Variants in CYP2W1 observed in about 807,000 individuals in gnomAD.
The protein encoded by CYP2W1 is cytochrome P450 2W1.
A neutral mutation model predicts 44.9 loss-of-function variants in CYP2W1; 51 were observed. The observed-to-expected ratio is 1.14, with a 90% CI of 0.91 to 1.43. The LOEUF (loss-of-function observed/expected upper bound fraction) is 1.43. CYP2W1 is among the 40% of genes most tolerant of loss of function. The pLI is 0.00. For missense variants in CYP2W1, 746 were observed against 700.0 expected (o/e 1.07, Z -0.74); for synonymous variants, 383 against 338.3 (o/e 1.13, Z -1.45).
rs1213959629 is a variant in CYP2W1, at chr7:985,174, T to C, written c.496T>C (p.Phe166Leu). 2 of 1,578,588 alleles carry C rather than the reference T, an allele frequency of 1.3e-6. No homozygotes were observed. The highest frequency in any genetic ancestry group is 2.7e-5 in the African/African-American group (2 of 74,588). Residue 166 changes from phenylalanine to leucine, a missense_variant, in exon 4 of 9, where the codon TTC (phenylalanine) becomes CTC (leucine). By Grantham distance (22) the Phe-to-Leu change is conservative (BLOSUM62 0). Transcript: ENST00000308919. ...GQLDGYRGRP[F>L]PLALLGWAPS... The stretch of plus-strand genomic sequence containing the variant: ...GCCCGTCTCCCTCGCAGGCCGGCCC[T>C]TCCCGCTGGCCCTACTGGGCTGGGC...
Position 983,361 on chromosome 7 carries a change from G to C in CYP2W1, c.150G>C (p.Ser50=). The C allele has an allele frequency of 3.9e-6, 6 of 1,532,696 alleles. No individual in the cohort carries two copies. The highest frequency in any genetic ancestry group is 4.4e-6 in the Non-Finnish European group (5 of 1,141,600). The allele number at this position is 1,532,696 out of a possible 1,614,324, so 94.9% of individuals were successfully genotyped here. A position where few individuals can be genotyped will look rare whatever the true frequency, so the allele number is the denominator to read the frequency against. The change falls in exon 1 of 9, where the codon TCG becomes TCC. Residue 50 remains serine (S), a synonymous_variant. Transcript: ENST00000308919. ...LVGNLHLLRL[S]QQDRSLMELS... ...GGAACCTGCACTTGCTGCGTCTGTC[G>C]CAACAGGACCGGTCCCTGATGGAGG...
chr7:984,359 A>AG (rs34743661), intron 1 of CYP2W1, 53 bp from the exon 2 acceptor site: 832,064 of 1,531,518 alleles, frequency 0.54, 232,077 homozygotes, highest in African/African-American at 0.87. Flanking sequence ...AGGGGACCTA[A>AG]GGGGGGTCTT....
intron 4 of CYP2W1, among the ~76,000 whole-genome samples, chr7:985,915 G>A (rs1440500278): frequency 6.6e-6 from 1 of 152,152 alleles, no homozygotes; most frequent in East Asian, 1.9e-4. Flanking sequence ...GAGTGAGTGA[G>A]CAGCGGTGGG....
At position 986,689 on chromosome 7, in the gene CYP2W1, C is replaced by G. The variant is rs373008734; in HGVS notation, c.711C>G (p.Ile237Met). 6.2e-7 allele frequency: 1 copy of G among 1,612,624 alleles called. No individual in the cohort carries two copies. Among genetic ancestry groups the G allele is most frequent in the Non-Finnish European group, 8.5e-7 (1 of 1,179,868 alleles). ...TGCACCGGCCCGTCCTGCGCAAGAT[C>G]GAGGAGGTCCGTGCCATTCTGAGGA... ...LQLHRPVLRK[I>M]EEVRAILRTL... The change falls in exon 5 of 9, where the codon ATC becomes ATG. Residue 237 changes from isoleucine (I) to methionine (M), a missense_variant. Coordinates refer to ENST00000308919, the MANE Select transcript of CYP2W1 (RefSeq NM_017781.3).
intron 7 of CYP2W1, 108 bp downstream of exon 7, chr7:987,639 C>T (rs1272039011): frequency 7.2e-6 from 8 of 1,112,742 alleles, no homozygotes; most frequent in South Asian, 5.1e-5. Context: ...GATGGCCCAG[C>T]GCTCCCCGAC....
chr7:987,505 C>T lies in CYP2W1; in HGVS notation c.1117C>T (p.Gln373Ter). ...GCCCCGCTGCACCGCGGCCGACACA[C>T]AGCTGGGCGGCTTCCTGCTCCCCAA... ...HVPRCTAADT[Q>*]LGGFLLPKGT... Residue 373 changes from glutamine to a stop codon, truncating the protein, a stop_gained, in exon 7 of 9, where the codon CAG becomes TAG. Transcript: ENST00000308919. LOFTEE classifies it high-confidence loss of function. 6.5e-7 allele frequency: 1 copy of T among 1,538,904 alleles called. No homozygotes were observed. The highest frequency in any genetic ancestry group is 8.7e-7 in the Non-Finnish European group (1 of 1,147,436).
Position 987,431 on chromosome 7 carries a change from G to A in CYP2W1, c.1043G>A (p.Ser348Asn), listed in dbSNP as rs1562955956. The change falls in exon 7 of 9, where the codon AGC becomes AAC. Residue 348 changes from serine (S) to asparagine (N), a missense_variant. Transcript: ENST00000308919. ...GACCAGCAGGCTCTGCCCTACACAA[G>A]CGCCGTGCTCCACGAGGTGCAGCGG... is the stretch of plus-strand genomic sequence containing the variant. ...LEDQQALPYT[S>N]AVLHEVQRFI... 3 of 1,592,052 alleles carry A rather than the reference G, an allele frequency of 1.9e-6. No homozygotes were observed. Among genetic ancestry groups the A allele is most frequent in the Middle Eastern group, 1.7e-4 (1 of 6,032 alleles).
rs1438762039 is a variant in CYP2W1, at chr7:986,807, G to A, written c.819+10G>A. 1 of 1,531,674 alleles carries A rather than the reference G, an allele frequency of 6.5e-7. No homozygotes were observed. The highest frequency in any genetic ancestry group is 8.8e-7 in the Non-Finnish European group (1 of 1,138,848). 94.9% of individuals were successfully genotyped at this position (1,531,674 alleles called of 1,614,324 possible). A position where few individuals can be genotyped will look rare whatever the true frequency, so the allele number is the denominator to read the frequency against. ...GATCCAGCAGGGACAGGTGTGTCGG[G>A]ACCCAAGACCTCCTTGAAGGCCTGT... is the stretch of plus-strand genomic sequence containing the variant. On this transcript the variant is annotated intron_variant, in intron 5 of 8. Transcript: ENST00000308919.
chr7:984,837 G>A (rs1848201511), intron 2 of CYP2W1, 113 bp from the exon 3 acceptor site: 16 of 1,397,896 alleles, frequency 1.1e-5, no homozygotes, highest in South Asian at 4.2e-5. Context: ...GGATGGGGGT[G>A]AGGGCCCAGC....
Position 988,873 on chromosome 7 carries a change from GTCCTCCCACCCTCTC to G in CYP2W1, c.*63_*77del, listed in dbSNP as rs1032509182. The G allele has an allele frequency of 2.7e-5, 33 of 1,205,946 alleles. No homozygotes were observed. In the African/African-American group the frequency reaches 2.9e-4, roughly 11 times the overall value. 74.7% of individuals were successfully genotyped at this position (1,205,946 alleles called of 1,614,324 possible). On this transcript the variant is annotated 3_prime_UTR_variant, in exon 9 of 9. Coordinates refer to ENST00000308919, the MANE Select transcript of CYP2W1 (RefSeq NM_017781.3). ...CTGACCACTCCCCTCCCAGCCCTGGGTCCTCCCACCCTCTCTCCTCCCACCCCACAGCTCGGACTG... is the reference window on the plus strand; with the variant it reads ...CTGACCACTCCCCTCCCAGCCCTGGGTCCTCCCACCCCACAGCTCGGACTG...
At chr7:988,612 C>T (rs768623896) in intron 8 of CYP2W1, 23 bp from the exon 9 acceptor site, 6 of 1,603,752 alleles carry the variant, frequency 3.7e-6, no homozygotes, top group Non-Finnish European at 4.2e-6. Flanking sequence ...GCAGCCCACT[C>T]TGTGCCTGGA....
rs758296066 is a variant in CYP2W1 at position 984,488 on chromosome 7, C to T, written c.251C>T (p.Ala84Val). Residue 84 changes from alanine to valine, a missense_variant, in exon 2 of 9, where the codon GCG becomes GTG. Ala to Val is a moderately conservative substitution (Grantham distance 64). Coordinates refer to ENST00000308919, the MANE Select transcript of CYP2W1 (RefSeq NM_017781.3). The stretch of plus-strand genomic sequence containing the variant: ...ACGGTGGTGCTGACGGGGTTCGAGG[C>T]GGTCAAAGAGGCGCTGGCGGGCCCC... ...QKTVVLTGFE[A>V]VKEALAGPGQ... The T allele has an allele frequency of 1.4e-5, 22 of 1,552,284 alleles. No homozygotes were observed. Among genetic ancestry groups the T allele is most frequent in the Non-Finnish European group, 1.7e-5 (20 of 1,148,690 alleles).
intron 7 of CYP2W1, 125 bp from the exon 8 acceptor site, chr7:988,152 A>G (rs759025470): frequency 3.1e-4 from 365 of 1,183,866 alleles, no homozygotes; most frequent in Non-Finnish European, 3.8e-4. Flanking sequence ...CCTCACCTGC[A>G]AGGTGGGCTA....
chr7:987,235 G>C lies in CYP2W1; in HGVS notation c.948G>C (p.Pro316=), dbSNP rs376141354. The change falls in exon 6 of 9, where the codon CCG becomes CCC. Residue 316 remains proline, a synonymous_variant. Transcript: ENST00000308919. ...CCGCACTTCTGATGGGCCGGCACCCGGACGTGCAGGGTGAGACCCCGGCGC... is the reference window on the plus strand; with the variant it reads ...CCGCACTTCTGATGGGCCGGCACCCCGACGTGCAGGGTGAGACCCCGGCGC... ...QWAALLMGRH[P]DVQGRVQEEL... 1.1e-5 allele frequency: 17 copies of C among 1,531,300 alleles called. No homozygotes were observed. The highest frequency in any genetic ancestry group is 1.3e-5 in the Non-Finnish European group (15 of 1,138,290). The allele number at this position is 1,531,300 out of a possible 1,614,324, so 94.9% of individuals were successfully genotyped here.
In CYP2W1 at chr7:984,546, C is replaced by T. The variant is rs1848178338; in HGVS notation, c.309C>T (p.Ala103=). Residue 103 remains alanine, a synonymous_variant, in exon 2 of 9, where the codon GCC becomes GCT. Coordinates refer to ENST00000308919, the MANE Select transcript of CYP2W1 (RefSeq NM_017781.3). The part of the protein sequence containing the change: ...GQELADRPPI[A]IFQLIQRGGG... ...AGCTGGCCGACCGGCCTCCCATCGC[C>T]ATCTTCCAGCTCATCCAGCGAGGTG... 6.4e-7 allele frequency: 1 copy of T among 1,559,732 alleles called. No homozygotes were observed. The highest frequency in any genetic ancestry group is 1.7e-4 in the Middle Eastern group (1 of 5,774).
Position 987,218 on chromosome 7 carries a change from C to G in CYP2W1, c.931C>G (p.Leu311Val). The G allele has an allele frequency of 6.5e-7, 1 of 1,541,632 alleles. No individual in the cohort carries two copies. Among genetic ancestry groups the G allele is most frequent in the South Asian group, 1.2e-5 (1 of 83,816 alleles). ...TSATLQWAAL[L>V]MGRHPDVQGR... is the part of the protein sequence containing the mutation. Reference sequence around the variant, plus strand: ...GGCCACGCTGCAGTGGGCCGCACTTCTGATGGGCCGGCACCCGGACGTGCA... The same window carrying G: ...GGCCACGCTGCAGTGGGCCGCACTTGTGATGGGCCGGCACCCGGACGTGCA... The change falls in exon 6 of 9, where the codon CTG becomes GTG. Residue 311 changes from leucine to valine, a missense_variant. By Grantham distance (32) the Leu-to-Val change is conservative. Coordinates refer to ENST00000308919, the MANE Select transcript of CYP2W1 (RefSeq NM_017781.3).
At chr7:985,388 G>A (rs1372962959) in intron 4 of CYP2W1, 65 bp downstream of exon 4, 1 of 1,515,094 alleles carries the variant, frequency 6.6e-7, no homozygotes, top group African/African-American at 1.4e-5. Context: ...GCAGCAGGAG[G>A]ACGGGGGCCC....
intron 4 of CYP2W1, among the ~76,000 whole-genome samples, chr7:986,204 C>T (rs1363190477): frequency 6.6e-6 from 1 of 152,112 alleles, no homozygotes; most frequent in Non-Finnish European, 1.5e-5. Flanking sequence ...CTGCCACAGG[C>T]AGTCACGGAG....
chr7:986,432 AC>A, intron 4 of CYP2W1, 191 bp from the exon 5 acceptor site: 1 of 641,364 alleles, frequency 1.6e-6, no homozygotes, highest in Non-Finnish European at 2.7e-6. Context: ...CTTCCGGGAC[AC>A]GGACAGGGGG....
Sources: gnomAD v4.1 joint callset for allele counts (sites outside exome capture counted in the v4.1 genomes callset) on GRCh38, gnomAD v4.1.1 for gene constraint, MANE v1.5 for transcripts, NCBI Gene and HGNC (gene_info 2026-07-23, HGNC 2026-07-21) for gene names.